Variants in RXRG observed in about 807,000 individuals in gnomAD.
RXRG encodes the protein retinoid X receptor gamma.
RXRG carries 19 observed loss-of-function variants against 49.2 expected under a neutral mutation model. The ratio of observed to expected loss-of-function variants is 0.39; its 90% CI spans 0.27 to 0.57. The LOEUF is 0.57. Among genes scored for constraint, RXRG ranks in the 20% least tolerant of loss-of-function variants. The probability of loss-of-function intolerance (pLI) is 0.64; values close to 1 mark genes in which losing one functional copy is unlikely to be tolerated. For missense variants in RXRG, 452 were observed against 592.5 expected (o/e 0.76, Z 2.46); for synonymous variants, 224 against 216.6 (o/e 1.03, Z -0.30).
intron 2 of RXRG, among the ~76,000 whole-genome samples, chr1:165,423,498 AG>A (rs1658389389): frequency 6.6e-6 from 1 of 152,116 alleles, no homozygotes; most frequent in Admixed American, 6.5e-5. Context: ...CTTCCACCAA[AG>A]GTTAGGCTGC....
intron 8 of RXRG, 104 bp downstream of exon 8, chr1:165,408,123 T>C (rs1657816537): frequency 1.1e-6 from 1 of 870,650 alleles, no homozygotes; most frequent in Non-Finnish European, 1.9e-6. Flanking sequence ...GGCTCTGCCA[T>C]CTGTGTCTCA....
intron 4 of RXRG, among the ~76,000 whole-genome samples, chr1:165,411,648 AT>A (rs1657953657): frequency 6.6e-6 from 1 of 152,140 alleles, no homozygotes; most frequent in South Asian, 2.1e-4. Flanking sequence ...AGCTGTGGGT[AT>A]TTAGTAAGTG....
Position 165,403,914 on chromosome 1 carries a change from C to T in RXRG, c.1245-2504G>A, listed in dbSNP as rs556102028. ...TGAACGTCACAGCATTCCTCACCCA[C>T]AGGTTAGCAGCAAGGGGCATTTATG... is the stretch of plus-strand genomic sequence containing the variant. On this transcript the variant is annotated intron_variant, in intron 9 of 9. Coordinates refer to ENST00000359842, the MANE Select transcript of RXRG (RefSeq NM_006917.5). Among the ~76,000 whole-genome samples the T allele has an allele frequency of 5.9e-5, 9 of 152,354 alleles. No homozygotes were observed. The South Asian group carries it at 1.4e-3, about 25-fold the overall frequency.
intron 1 of RXRG, among the ~76,000 whole-genome samples, chr1:165,443,501 G>A (rs77275730): frequency 3.6e-4 from 55 of 152,158 alleles, no homozygotes; most frequent in African/African-American, 1.3e-3. Flanking sequence ...ATCACCTCGG[G>A]AACATTTCCA....
chr1:165,440,819 G>A (rs1415099848), intron 1 of RXRG, among the ~76,000 whole-genome samples: 6 of 152,130 alleles, frequency 3.9e-5, no homozygotes, highest in African/African-American at 1.4e-4. Context: ...ATAATGAGGG[G>A]AAGGAAGAGG....
At chr1:165,444,230 A>G (rs900979694) in intron 1 of RXRG, among the ~76,000 whole-genome samples, 7 of 152,174 alleles carry the variant, frequency 4.6e-5, no homozygotes, top group African/African-American at 1.4e-4. Context: ...CTCTTGCAGT[A>G]GAATTGGGGG....
intron 4 of RXRG, among the ~76,000 whole-genome samples, chr1:165,414,488 A>T (rs1359098794): frequency 2.6e-5 from 4 of 152,204 alleles, no homozygotes; most frequent in Non-Finnish European, 2.9e-5. Flanking sequence ...ACTCTAGAGA[A>T]ATAGAAATGA....
At chr1:165,403,970 G>C (rs762367264) in intron 9 of RXRG, among the ~76,000 whole-genome samples, 9 of 152,236 alleles carry the variant, frequency 5.9e-5, no homozygotes, top group Non-Finnish European at 1.2e-4. Context: ...GTGTGCAAGA[G>C]AGTGTGTGTG....
chr1:165,438,641 G>C (rs1416289112), intron 1 of RXRG, among the ~76,000 whole-genome samples: 1 of 152,198 alleles, frequency 6.6e-6, no homozygotes. Flanking sequence ...CTTGGACCCA[G>C]GGGCCAGAAG....
intron 3 of RXRG, among the ~76,000 whole-genome samples, chr1:165,418,496 CAGG>C (rs2101721628): frequency 6.6e-6 from 1 of 152,254 alleles, no homozygotes; most frequent in Non-Finnish European, 1.5e-5. Context: ...TCCAGCATCT[CAGG>C]AGTTTACAGT....
intron 9 of RXRG, 69 bp from the exon 10 acceptor site, chr1:165,401,479 G>A (rs1218503877): frequency 1.9e-6 from 3 of 1,580,650 alleles, no homozygotes; most frequent in Admixed American, 1.7e-5. Flanking sequence ...CTGCTGGCAG[G>A]AGGCCGTCCA....
chr1:165,424,927 T>G (rs1396859062), intron 2 of RXRG: 24 of 985,404 alleles, frequency 2.4e-5, no homozygotes, highest in Non-Finnish European at 2.8e-5. Context: ...AGCAAAGCAT[T>G]GCTGCAGTGT....
At chr1:165,437,281 C>T (rs1208272794) in intron 1 of RXRG, 11 of 1,295,950 alleles carry the variant, frequency 8.5e-6, no homozygotes, top group Admixed American at 2.1e-5. Flanking sequence ...CTGTGTAAGA[C>T]ACCAAGAGCA....
chr1:165,407,646 T>A (rs1657797842), intron 8 of RXRG, among the ~76,000 whole-genome samples: 2 of 152,212 alleles, frequency 1.3e-5, no homozygotes, highest in African/African-American at 2.4e-5. Context: ...CAGATGCACA[T>A]GGCTTCTCCC....
At chr1:165,416,490 C>T (rs539451462) in intron 4 of RXRG, among the ~76,000 whole-genome samples, 1 of 152,074 alleles carries the variant, frequency 6.6e-6, no homozygotes, top group South Asian at 2.1e-4. Context: ...CCAGTAATGC[C>T]AAAAGATGAT....
intron 2 of RXRG, among the ~76,000 whole-genome samples, chr1:165,421,315 C>T (rs1466976091): frequency 3.3e-5 from 5 of 152,188 alleles, no homozygotes; most frequent in African/African-American, 1.2e-4. Flanking sequence ...AATGACAACA[C>T]ATATGTGATA....
intron 1 of RXRG, among the ~76,000 whole-genome samples, chr1:165,443,586 G>T (rs1287228661): frequency 5.9e-5 from 9 of 152,146 alleles, no homozygotes; most frequent in South Asian, 2.1e-4. Flanking sequence ...ATGTGCCTGT[G>T]TAACAAGCCT....
intron 1 of RXRG, among the ~76,000 whole-genome samples, chr1:165,432,178 TAAG>T (rs965664439): frequency 2.0e-5 from 3 of 152,222 alleles, no homozygotes; most frequent in African/African-American, 7.2e-5. Context: ...TCATTATTAA[TAAG>T]AAGTAAGTTA....
chr1:165,444,729 AT>A (rs1659105399), intron 1 of RXRG, 115 bp downstream of exon 1: 3 of 896,396 alleles, frequency 3.3e-6, no homozygotes, highest in Non-Finnish European at 5.5e-6. Context: ...CTATATATGC[AT>A]ATAAACATAT....
Sources: gnomAD v4.1 joint callset for allele counts (sites outside exome capture counted in the v4.1 genomes callset) on GRCh38, gnomAD v4.1.1 for gene constraint, MANE v1.5 for transcripts, NCBI Gene and HGNC (gene_info 2026-07-23, HGNC 2026-07-21) for gene names.